Variants in GUCY1A2 observed in about 807,000 individuals in gnomAD.
GUCY1A2 encodes the protein guanylate cyclase soluble subunit alpha-2.
In GUCY1A2, 27 loss-of-function variants were observed where a neutral mutation model predicts 63.5. The ratio of observed to expected loss-of-function variants is 0.43; its 90% CI spans 0.31 to 0.59. The LOEUF (loss-of-function observed/expected upper bound fraction) is 0.59. GUCY1A2 is among the 20% of genes least tolerant of loss of function. GUCY1A2 has a pLI of 0.11. For missense variants in GUCY1A2, 768 were observed against 913.3 expected, an observed-to-expected ratio of 0.84 and a Z score of 2.05; for synonymous variants, 364 against 343.5, an observed-to-expected ratio of 1.06 and a Z score of -0.66.
In GUCY1A2 at chr11:106,794,417, C is replaced by G. The variant is rs376149963; in HGVS notation, c.1692+15576G>C. Among the ~76,000 whole-genome samples, 6 of 151,880 alleles carry G rather than the reference C, an allele frequency of 4.0e-5. No homozygotes were observed. The South Asian group carries it at 1.0e-3, about 26-fold the overall frequency. ...TAAAGACTACATTCTGGGGATCTAC[C>G]ATATAGCATGCTGACCATAGTAACT... On this transcript the variant is annotated intron_variant, in intron 5 of 7. Transcript: ENST00000526355.
chr11:106,919,551 G>C (rs1347225816), intron 4 of GUCY1A2, among the ~76,000 whole-genome samples: 1 of 151,898 alleles, frequency 6.6e-6, no homozygotes, highest in African/African-American at 2.4e-5. Flanking sequence ...AATTGGCATA[G>C]TGCAATGTGG....
At chr11:106,719,287 G>A (rs1459869283) in intron 6 of GUCY1A2, among the ~76,000 whole-genome samples, 4 of 151,544 alleles carry the variant, frequency 2.6e-5, no homozygotes, top group African/African-American at 9.7e-5. Context: ...CAGATAATCC[G>A]GAATAAAATT....
At chr11:106,741,339 C>T (rs1008647768) in intron 6 of GUCY1A2, among the ~76,000 whole-genome samples, 2 of 152,182 alleles carry the variant, frequency 1.3e-5, no homozygotes, top group Non-Finnish European at 2.9e-5. Flanking sequence ...TCAATAGTCA[C>T]ATGTGGCTAG....
At chr11:106,929,487 A>G (rs900782571) in intron 4 of GUCY1A2, among the ~76,000 whole-genome samples, 8 of 152,220 alleles carry the variant, frequency 5.3e-5, no homozygotes, top group South Asian at 4.1e-4. Context: ...AGGTTAAACC[A>G]TATCTGCTAT....
chr11:106,762,941 G>C (rs1864090395), intron 6 of GUCY1A2, among the ~76,000 whole-genome samples: 1 of 151,976 alleles, frequency 6.6e-6, no homozygotes, highest in African/African-American at 2.4e-5. Context: ...TGCAGTTGTA[G>C]GCATTGCCTG....
chr11:106,867,107 GACTC>G (rs1859605085), intron 4 of GUCY1A2, among the ~76,000 whole-genome samples: 1 of 151,934 alleles, frequency 6.6e-6, no homozygotes, highest in Admixed American at 6.6e-5. Context: ...AGTGCTACTG[GACTC>G]ACTCCTTTAG....
At position 106,765,371 on chromosome 11, in the gene GUCY1A2, G is replaced by A. The variant is rs75251175; in HGVS notation, c.1836+11068C>T. ...TCGATGTTAAGGTGGAAAGAGTATTGAGAGAAAACTGAGTCTATTTCTCCT... is the reference window on the plus strand; with the variant it reads ...TCGATGTTAAGGTGGAAAGAGTATTAAGAGAAAACTGAGTCTATTTCTCCT... On this transcript the variant is annotated intron_variant, in intron 6 of 7. Coordinates refer to ENST00000526355, the MANE Select transcript of GUCY1A2 (RefSeq NM_000855.3). Among the ~76,000 whole-genome samples, 664 of 152,156 alleles carry A rather than the reference G, an allele frequency of 4.4e-3. 5 individuals carry two copies. The highest frequency in any genetic ancestry group is 6.3e-3 in the Non-Finnish European group (430 of 67,980).
intron 7 of GUCY1A2, among the ~76,000 whole-genome samples, chr11:106,692,683 A>G (rs936187783): frequency 6.6e-6 from 1 of 152,218 alleles, no homozygotes; most frequent in African/African-American, 2.4e-5. Context: ...TCAGCAGTCA[A>G]CTGGTCAACA....
chr11:106,858,611 G>T (rs1283064446), intron 4 of GUCY1A2, among the ~76,000 whole-genome samples: 1 of 152,086 alleles, frequency 6.6e-6, no homozygotes, highest in East Asian at 1.9e-4. Flanking sequence ...AGGCCTCTAT[G>T]ATGCCTGGCA....
At chr11:106,716,557 C>T (rs919664009) in intron 6 of GUCY1A2, among the ~76,000 whole-genome samples, 4 of 151,938 alleles carry the variant, frequency 2.6e-5, no homozygotes, top group Non-Finnish European at 5.9e-5. Context: ...GACGCCACCC[C>T]CAGGTCCAGG....
At position 106,708,622 on chromosome 11, in the gene GUCY1A2, A is replaced by G. The variant is rs144365377; in HGVS notation, c.1881T>C (p.Val627=). 464 of 1,612,218 alleles carry G rather than the reference A, an allele frequency of 2.9e-4. 1 individual carries two copies. The highest frequency in any genetic ancestry group is 1.7e-3 in the Middle Eastern group (10 of 6,060). ...IHSGSVLAGV[V]GVRMPRYCLF... is the part of the protein sequence containing the mutation. ...GGCAATAACGTGGCATTCGCACCCC[A>G]ACAACTCCAGCCAGCACGGAGCCTG... Residue 627 remains valine, a synonymous_variant, in exon 7 of 8, where the codon GTT becomes GTC. Transcript: ENST00000526355.
At chr11:106,828,038 T>C in intron 4 of GUCY1A2, 1 of 627,540 alleles carries the variant, frequency 1.6e-6, no homozygotes, top group East Asian at 2.7e-5. Context: ...TGCCCACTTT[T>C]AATGTAGCTC....
At chr11:106,805,934 C>T (rs1440794113) in intron 5 of GUCY1A2, among the ~76,000 whole-genome samples, 1 of 152,182 alleles carries the variant, frequency 6.6e-6, no homozygotes, top group Non-Finnish European at 1.5e-5. Context: ...TTGTGAGCTA[C>T]ATTATCTGGA....
At chr11:107,011,695 T>C (rs1861748559) in intron 1 of GUCY1A2, among the ~76,000 whole-genome samples, 1 of 148,270 alleles carries the variant, frequency 6.7e-6, no homozygotes, top group Admixed American at 6.8e-5. Flanking sequence ...ATCACTGATG[T>C]CATTTCTCAT....
intron 3 of GUCY1A2, among the ~76,000 whole-genome samples, chr11:106,946,259 A>G (rs1860827132): frequency 6.6e-6 from 1 of 152,192 alleles, no homozygotes; most frequent in Non-Finnish European, 1.5e-5. Flanking sequence ...GAGAAAAAGG[A>G]AGATAATCAA....
Position 106,757,163 on chromosome 11 carries a change from T to A in GUCY1A2, c.1836+19276A>T, listed in dbSNP as rs373723191. On this transcript the variant is annotated intron_variant, in intron 6 of 7. Coordinates refer to ENST00000526355, the MANE Select transcript of GUCY1A2 (RefSeq NM_000855.3). ...TTGGCTATTGAAGCTTGTGTATACT[T>A]CATGAAGTTCTTGTGCTGTGTTTTT... is the stretch of plus-strand genomic sequence containing the variant. Among the ~76,000 whole-genome samples, 13 of 152,330 alleles carry A rather than the reference T, an allele frequency of 8.5e-5. No homozygotes were observed. The East Asian group carries it at 2.5e-3, about 29-fold the overall frequency.
intron 6 of GUCY1A2, among the ~76,000 whole-genome samples, chr11:106,717,294 T>A (rs1863233002): frequency 6.6e-6 from 1 of 152,186 alleles, no homozygotes; most frequent in Non-Finnish European, 1.5e-5. Context: ...GGTGGGCTGT[T>A]AGCAGAATCA....
chr11:106,834,245 C>T (rs1859088914), intron 4 of GUCY1A2, among the ~76,000 whole-genome samples: 1 of 151,984 alleles, frequency 6.6e-6, no homozygotes, highest in Non-Finnish European at 1.5e-5. Flanking sequence ...AACTGCTATT[C>T]TACTATTTGC....
At chr11:106,805,305 G>C (rs1257303784) in intron 5 of GUCY1A2, among the ~76,000 whole-genome samples, 2 of 151,572 alleles carry the variant, frequency 1.3e-5, no homozygotes, top group South Asian at 2.1e-4. Flanking sequence ...GAATGCAGTG[G>C]CGTGATCTCA....
Sources: gnomAD v4.1 joint callset for allele counts (sites outside exome capture counted in the v4.1 genomes callset) on GRCh38, gnomAD v4.1.1 for gene constraint, MANE v1.5 for transcripts, NCBI Gene and HGNC (gene_info 2026-07-23, HGNC 2026-07-21) for gene names.